Variants in KIAA1549L observed in about 807,000 individuals in gnomAD.
KIAA1549L encodes the protein KIAA1549 like.
KIAA1549L carries 88 observed loss-of-function variants against 160.7 expected under a neutral mutation model. That is an observed-to-expected ratio of 0.55 (90% CI 0.46 to 0.65). The LOEUF is 0.65. Ranked by LOEUF, KIAA1549L falls within the 30% of genes least tolerant of loss-of-function variation. KIAA1549L has a pLI of 0.00. For missense variants in KIAA1549L, 2,258 were observed against 2,437.5 expected, an observed-to-expected ratio of 0.93 and a Z score of 1.55; for synonymous variants, 950 against 976.7, an observed-to-expected ratio of 0.97 and a Z score of 0.51.
intron 1 of KIAA1549L, among the ~76,000 whole-genome samples, chr11:33,445,910 A>C (rs1851601738): frequency 6.6e-6 from 1 of 152,172 alleles, no homozygotes; most frequent in Non-Finnish European, 1.5e-5. Flanking sequence ...CCTCATAGAC[A>C]CTGAATCTGT....
intron 1 of KIAA1549L, among the ~76,000 whole-genome samples, chr11:33,474,368 G>A (rs1565151248): frequency 1.3e-5 from 2 of 152,200 alleles, no homozygotes; most frequent in African/African-American, 4.8e-5. Flanking sequence ...ATCACATTCA[G>A]TCGTACACTT....
chr11:33,543,787 G>T lies in KIAA1549L; in HGVS notation c.2224G>T (p.Ala742Ser). 6.2e-7 allele frequency: 1 copy of T among 1,614,038 alleles called. No individual in the cohort carries two copies. Among genetic ancestry groups the T allele is most frequent in the South Asian group, 1.1e-5 (1 of 91,086 alleles). ...TSWETHLAPTAPPNGLTSAAD... is the reference protein window; with the variant it reads ...TSWETHLAPTSPPNGLTSAAD... ...TTGGGAAACTCATTTAGCTCCAACA[G>T]CTCCTCCCAATGGTTTAACTTCAGC... The change falls in exon 2 of 21, where the codon GCT (alanine) becomes TCT (serine). Residue 742 changes from alanine to serine, a missense_variant. Physicochemically the swap from Ala to Ser is moderately conservative, Grantham distance 99. This residue lies in a region of KIAA1549L where 287 missense variants were observed against 292.3 expected (regional missense o/e 0.98). Transcript: ENST00000658780.
At chr11:33,537,026 G>A (rs1448396359) in intron 1 of KIAA1549L, among the ~76,000 whole-genome samples, 2 of 152,192 alleles carry the variant, frequency 1.3e-5, no homozygotes. Context: ...GCAATGGTCC[G>A]GCTGTCGCCT....
At chr11:33,636,605 A>G (rs1270644386) in intron 16 of KIAA1549L, among the ~76,000 whole-genome samples, 1 of 152,202 alleles carries the variant, frequency 6.6e-6, no homozygotes, top group Non-Finnish European at 1.5e-5. Context: ...TTCTGGGATT[A>G]CGGGCGTGAA....
At chr11:33,393,210 T>C (rs907609375) in intron 1 of KIAA1549L, among the ~76,000 whole-genome samples, 8 of 152,206 alleles carry the variant, frequency 5.3e-5, no homozygotes, top group Non-Finnish European at 8.8e-5. Flanking sequence ...CATTTTATTC[T>C]TTCTGCCTGG....
intron 16 of KIAA1549L, among the ~76,000 whole-genome samples, chr11:33,643,295 C>G (rs1851636016): frequency 6.6e-6 from 1 of 152,048 alleles, no homozygotes; most frequent in South Asian, 2.1e-4. Context: ...GTGTGGTGGC[C>G]TAGCACTCCC....
intron 1 of KIAA1549L, among the ~76,000 whole-genome samples, chr11:33,383,825 C>T (rs548092802): frequency 6.6e-6 from 1 of 152,196 alleles, no homozygotes; most frequent in African/African-American, 2.4e-5. Context: ...TGCCATAGTT[C>T]TGACTTCTCA....
rs1855389495 is a variant in KIAA1549L at position 33,574,773 on chromosome 11, G to A, written c.4302G>A (p.Gly1434=). ...AELTYYTLYN[G]KPLLGTAAAK... ...TGACTTACTATACCCTGTACAACGGGAAGCCTTTGTTGGGGACCGCAGCTG... is the reference window on the plus strand; with the variant it reads ...TGACTTACTATACCCTGTACAACGGAAAGCCTTTGTTGGGGACCGCAGCTG... Residue 1434 remains glycine, a synonymous_variant, in exon 10 of 21, where the codon GGG becomes GGA. Coordinates refer to ENST00000658780, the MANE Select transcript of KIAA1549L (RefSeq NM_012194.3). 8 of 1,613,820 alleles carry A rather than the reference G, an allele frequency of 5.0e-6. No homozygotes were observed. In the East Asian group the frequency reaches 6.7e-5, roughly 13 times the overall value.
rs1565182575 is a variant in KIAA1549L at position 33,552,184 on chromosome 11, G to A, written c.3798G>A (p.Lys1266=). 1 of 1,611,400 alleles carries A rather than the reference G, an allele frequency of 6.2e-7. No individual in the cohort carries two copies. The highest frequency in any genetic ancestry group is 1.1e-5 in the South Asian group (1 of 90,336). Reference sequence around the variant, plus strand: ...AGACAATGGAACAGAGGCTGCAGAAGGCATTCCAGGATGCCGAGAGGAAAG... The same window carrying A: ...AGACAATGGAACAGAGGCTGCAGAAAGCATTCCAGGATGCCGAGAGGAAAG... ...FAQTMEQRLQ[K]AFQDAERKVL... Residue 1266 remains lysine, a synonymous_variant, in exon 6 of 21, where the codon AAG becomes AAA. Transcript: ENST00000658780.
At chr11:33,559,677 C>A in intron 6 of KIAA1549L, 72 bp from the exon 7 acceptor site, 1 of 1,349,976 alleles carries the variant, frequency 7.4e-7, no homozygotes, top group South Asian at 1.2e-5. Context: ...CTCCCCCTCC[C>A]ATGGCCTCCA....
At chr11:33,466,765 A>G (rs1425579213) in intron 1 of KIAA1549L, among the ~76,000 whole-genome samples, 2 of 152,232 alleles carry the variant, frequency 1.3e-5, no homozygotes, top group Non-Finnish European at 2.9e-5. Context: ...TGGCACATAT[A>G]CACTATGGAA....
At chr11:33,453,616 G>C (rs762348627) in intron 1 of KIAA1549L, among the ~76,000 whole-genome samples, 1 of 152,002 alleles carries the variant, frequency 6.6e-6, no homozygotes, top group Non-Finnish European at 1.5e-5. Context: ...TCACCTTTCT[G>C]GGCTCAAAAA....
intron 10 of KIAA1549L, among the ~76,000 whole-genome samples, chr11:33,579,771 C>T (rs979201344): frequency 1.3e-5 from 2 of 152,060 alleles, no homozygotes; most frequent in African/African-American, 2.4e-5. Context: ...GGTGAAGGAA[C>T]GTAGCTAGTG....
At chr11:33,472,945 A>T (rs190752419) in intron 1 of KIAA1549L, among the ~76,000 whole-genome samples, 4 of 152,134 alleles carry the variant, frequency 2.6e-5, no homozygotes. Flanking sequence ...CCAGCTTCCA[A>T]TGTGTGACCA....
Position 33,551,060 on chromosome 11 carries a change from T to C in KIAA1549L, c.3522T>C (p.Ser1174=), listed in dbSNP as rs780333792. The change falls in exon 5 of 21, where the codon TCT becomes TCC. Residue 1174 remains serine, a synonymous_variant. Transcript: ENST00000658780. ...TGTAGGTGGACATTCTGGAATATTC[T>C]CATAATGTCACAGTTGGTTATTATG... is the stretch of plus-strand genomic sequence containing the variant. ...VSAHVDILEY[S]HNVTVGYYAT... is the part of the protein sequence containing the mutation. 1 of 1,613,774 alleles carries C rather than the reference T, an allele frequency of 6.2e-7. No homozygotes were observed. Among genetic ancestry groups the C allele is most frequent in the Non-Finnish European group, 8.5e-7 (1 of 1,179,638 alleles).
At chr11:33,613,668 G>A (rs969384570) in intron 15 of KIAA1549L, among the ~76,000 whole-genome samples, 2 of 152,006 alleles carry the variant, frequency 1.3e-5, no homozygotes, top group Non-Finnish European at 2.9e-5. Flanking sequence ...CTCCCACCAG[G>A]CCCCACCTCC....
At chr11:33,664,949 A>G (rs1852390194) in intron 20 of KIAA1549L, among the ~76,000 whole-genome samples, 1 of 152,158 alleles carries the variant, frequency 6.6e-6, no homozygotes, top group Admixed American at 6.5e-5. Context: ...GGGTAGATCA[A>G]ACGGGACATG....
chr11:33,633,430 A>C (rs1273483155), intron 16 of KIAA1549L, among the ~76,000 whole-genome samples: 2 of 151,922 alleles, frequency 1.3e-5, no homozygotes, highest in Non-Finnish European at 2.9e-5. Flanking sequence ...ACACAGATAG[A>C]GTGACAGAGG....
intron 17 of KIAA1549L, among the ~76,000 whole-genome samples, chr11:33,651,491 G>GC (rs1851883548): frequency 1.9e-5 from 2 of 103,928 alleles, no homozygotes; most frequent in African/African-American, 1.1e-4. Context: ...AGTCTTTTGT[G>GC]CCTCCTTCTT....
Sources: allele counts gnomAD v4.1 joint callset (sites outside exome capture counted in the v4.1 genomes callset), GRCh38; gene constraint gnomAD v4.1.1; regional missense constraint gnomAD v4.1.1; transcripts MANE v1.5; gene names NCBI Gene and HGNC (gene_info 2026-07-23, HGNC 2026-07-21).